The following PRIM2 variants were observed in gnomAD, a reference collection of about 807,000 sequenced individuals.
The protein encoded by PRIM2 is DNA primase subunit 2.
In PRIM2, 39 loss-of-function variants were observed where a neutral mutation model predicts 67.3. The ratio of observed to expected loss-of-function variants is 0.58; its 90% CI spans 0.45 to 0.76. The LOEUF (loss-of-function observed/expected upper bound fraction) is 0.76. PRIM2 is among the 30% of genes least tolerant of loss of function. The probability of loss-of-function intolerance (pLI) is 0.00; values close to 1 mark genes in which losing one functional copy is unlikely to be tolerated. For synonymous variants in PRIM2, 143 were observed against 198.7 expected, an observed-to-expected ratio of 0.72 and a Z score of 2.36; for missense variants, 398 against 598.7, an observed-to-expected ratio of 0.66 and a Z score of 3.50.
intron 4 of PRIM2, among the ~76,000 whole-genome samples, chr6:57,325,369 G>A (rs922607089): frequency 3.9e-4 from 54 of 139,176 alleles, no homozygotes; most frequent in African/African-American, 1.5e-3. Context: ...GTGTGATCTC[G>A]GCTCACTGCA....
chr6:57,628,820 G>T (rs1776998027), intron 12 of PRIM2, among the ~76,000 whole-genome samples: 1 of 152,034 alleles, frequency 6.6e-6, no homozygotes, highest in South Asian at 2.1e-4. Context: ...ACATGATTTT[G>T]TTCTTTTTTT....
the PRIM2 span, among the ~76,000 whole-genome samples, chr6:57,235,392 A>C: frequency 6.6e-6 from 1 of 151,360 alleles, no homozygotes; most frequent in African/African-American, 2.4e-5. Context: ...TGAACCCAGG[A>C]GGGGGAGATT....
intron 5 of PRIM2, among the ~76,000 whole-genome samples, chr6:57,362,127 G>T (rs990870000): frequency 6.6e-6 from 1 of 152,144 alleles, no homozygotes; most frequent in Admixed American, 6.6e-5. Flanking sequence ...CAAAGCCATA[G>T]AGCTGACTTC....
chr6:57,419,648 G>A (rs1265461243), intron 7 of PRIM2, among the ~76,000 whole-genome samples: 1 of 152,058 alleles, frequency 6.6e-6, no homozygotes, highest in Non-Finnish European at 1.5e-5. Context: ...ACCAGACTCT[G>A]GTATGATTTT....
the PRIM2 span, among the ~76,000 whole-genome samples, chr6:57,275,499 A>G: frequency 6.6e-6 from 1 of 152,342 alleles, no homozygotes; most frequent in African/African-American, 2.4e-5. Flanking sequence ...AAAAAAACAA[A>G]CAAATAAAAG....
At chr6:57,253,943 ATTG>A in the PRIM2 span, among the ~76,000 whole-genome samples, 2 of 152,340 alleles carry the variant, frequency 1.3e-5, no homozygotes, top group South Asian at 2.1e-4. Context: ...TACCAAAGAC[ATTG>A]TTGTCATGAT....
chr6:57,280,534 G>C, the PRIM2 span, among the ~76,000 whole-genome samples: 2 of 151,934 alleles, frequency 1.3e-5, 1 homozygote, highest in South Asian at 4.2e-4. Context: ...TTTTGAGATG[G>C]AGTCTCACTC....
In PRIM2 at chr6:57,381,910, G is replaced by T. The variant is rs6913779; in HGVS notation, c.556-121G>T. The T allele has an allele frequency of 4.7e-3, 4,626 of 985,692 alleles. 17 individuals carry two copies. Among genetic ancestry groups the T allele is most frequent in the Non-Finnish European group, 5.5e-3 (3,876 of 711,062 alleles). 61.1% of individuals were successfully genotyped at this position (985,692 alleles called of 1,614,324 possible). A position where few individuals can be genotyped will look rare whatever the true frequency, so the allele number is the denominator to read the frequency against. On this transcript the variant is annotated intron_variant, in intron 6 of 13. Coordinates refer to ENST00000615550, the MANE Select transcript of PRIM2 (RefSeq NM_000947.5). ...TTAAGGAGGATAAATTAATCATTTTGATATTCTTTTGGCTCTGCTAGGACT... is the reference window on the plus strand; with the variant it reads ...TTAAGGAGGATAAATTAATCATTTTTATATTCTTTTGGCTCTGCTAGGACT...
the PRIM2 span, among the ~76,000 whole-genome samples, chr6:57,222,921 T>C: frequency 6.6e-6 from 1 of 152,212 alleles, no homozygotes; most frequent in Non-Finnish European, 1.5e-5. Context: ...GCATACCCTA[T>C]GGCCCCGCAG....
chr6:57,567,231 G>A (rs1355695516), intron 10 of PRIM2, among the ~76,000 whole-genome samples: 2 of 152,022 alleles, frequency 1.3e-5, no homozygotes, highest in African/African-American at 4.8e-5. Flanking sequence ...AAATCTGAAT[G>A]TTTGTGTTTT....
intron 8 of PRIM2, among the ~76,000 whole-genome samples, chr6:57,512,462 C>A (rs1279228296): frequency 3.9e-5 from 6 of 152,090 alleles, no homozygotes; most frequent in Non-Finnish European, 7.3e-5. Context: ...AAAGTACTTT[C>A]CAATCTAGCT....
At chr6:57,554,804 G>A (rs1775478795) in intron 10 of PRIM2, among the ~76,000 whole-genome samples, 2 of 152,104 alleles carry the variant, frequency 1.3e-5, no homozygotes, top group South Asian at 4.1e-4. Context: ...TTTAAATCTT[G>A]CTGTTGTCGT....
the PRIM2 span, among the ~76,000 whole-genome samples, chr6:57,222,538 T>A: frequency 1.7e-3 from 253 of 152,362 alleles, 1 homozygote; most frequent in African/African-American, 5.8e-3. Context: ...ACACTTCCAG[T>A]GTCCTCAAAG....
At chr6:57,287,902 G>T in the PRIM2 span, among the ~76,000 whole-genome samples, 1 of 152,106 alleles carries the variant, frequency 6.6e-6, no homozygotes, top group Non-Finnish European at 1.5e-5. Flanking sequence ...GAAGTACGTG[G>T]TTCATCTCAT....
the PRIM2 span, among the ~76,000 whole-genome samples, chr6:57,289,458 C>G: frequency 2.6e-5 from 4 of 152,030 alleles, no homozygotes; most frequent in Non-Finnish European, 5.9e-5. Context: ...CAGGGAACAC[C>G]ACAAAGATAC....
the PRIM2 span, among the ~76,000 whole-genome samples, chr6:57,232,407 C>A: frequency 2.0e-5 from 3 of 152,068 alleles, no homozygotes; most frequent in Admixed American, 2.0e-4. Context: ...AAAAAATTAG[C>A]CAGGTGTGGT....
At chr6:57,432,709 C>A (rs1318337088) in intron 7 of PRIM2, among the ~76,000 whole-genome samples, 2 of 152,186 alleles carry the variant, frequency 1.3e-5, no homozygotes, top group Admixed American at 1.3e-4. Context: ...TTATATACCT[C>A]ACAGGATGTT....
intron 7 of PRIM2, chr6:57,382,399 A>G (rs1422177845): frequency 8.4e-6 from 3 of 355,880 alleles, no homozygotes; most frequent in Admixed American, 9.0e-5. Flanking sequence ...ACCAATGCTG[A>G]GTGATTAATT....
chr6:57,241,356 C>T, the PRIM2 span, among the ~76,000 whole-genome samples: 1 of 151,912 alleles, frequency 6.6e-6, no homozygotes, highest in Non-Finnish European at 1.5e-5. Flanking sequence ...TTACAGTGAG[C>T]TATGATCACA....
Sources: allele counts gnomAD v4.1 joint callset (sites outside exome capture counted in the v4.1 genomes callset), GRCh38; gene constraint gnomAD v4.1.1; transcripts MANE v1.5; gene names NCBI Gene and HGNC (gene_info 2026-07-23, HGNC 2026-07-21).